ACTR3C: variants seen among roughly 807,000 people sequenced by gnomAD.
The protein encoded by ACTR3C is actin related protein 3C, also known as actin-related protein 3C.
ACTR3C carries 18 observed loss-of-function variants against 26.3 expected under a neutral mutation model. The ratio of observed to expected loss-of-function variants is 0.68; its 90% CI spans 0.47 to 1.01. The LOEUF (loss-of-function observed/expected upper bound fraction) is 1.01. Ranked by LOEUF, ACTR3C falls within the 50% of genes least tolerant of loss-of-function variation. ACTR3C has a pLI of 0.00. For synonymous variants in ACTR3C, 55 were observed against 94.5 expected, an observed-to-expected ratio of 0.58 and a Z score of 2.42; for missense variants, 184 against 250.7, an observed-to-expected ratio of 0.73 and a Z score of 1.80.
the ACTR3C span, among the ~76,000 whole-genome samples, chr7:150,131,930 C>T: frequency 2.0e-5 from 3 of 152,190 alleles, no homozygotes; most frequent in Non-Finnish European, 2.9e-5. Flanking sequence ...GAAAACATCA[C>T]GCTGTGTGAA....
intron 1 of ACTR3C, 183 bp downstream of exon 1, chr7:150,323,286 C>T: frequency 3.8e-6 from 1 of 260,576 alleles, no homozygotes; most frequent in Non-Finnish European, 7.6e-6. Context: ...CCGGAAGTAA[C>T]CCCTGGCGCA....
At chr7:150,317,196 C>T (rs1274331640) in intron 1 of ACTR3C, among the ~76,000 whole-genome samples, 4 of 152,040 alleles carry the variant, frequency 2.6e-5, no homozygotes, top group East Asian at 3.9e-4. Flanking sequence ...GGATTACAGG[C>T]GTGCAGCATG....
At chr7:150,198,088 C>T in the ACTR3C span, among the ~76,000 whole-genome samples, 2 of 151,588 alleles carry the variant, frequency 1.3e-5, no homozygotes, top group African/African-American at 4.9e-5. Context: ...GCGAGTGATC[C>T]GCCAGCCTTG....
At chr7:150,252,712 A>C (rs1206264262) in intron 6 of ACTR3C, among the ~76,000 whole-genome samples, 3 of 151,714 alleles carry the variant, frequency 2.0e-5, no homozygotes, top group Admixed American at 2.0e-4. Context: ...GTATCTTCAG[A>C]ACTAATATTT....
intron 1 of ACTR3C, among the ~76,000 whole-genome samples, chr7:150,299,832 G>C (rs1011980708): frequency 1.3e-5 from 2 of 151,962 alleles, no homozygotes; most frequent in African/African-American, 4.8e-5. Flanking sequence ...ATGGGGACTC[G>C]TTCAATGAGT....
At chr7:150,197,061 C>T in the ACTR3C span, among the ~76,000 whole-genome samples, 3 of 152,150 alleles carry the variant, frequency 2.0e-5, no homozygotes, top group South Asian at 2.1e-4. Context: ...GTCTTTCCCA[C>T]GGCAGATTAA....
chr7:150,181,069 A>T, the ACTR3C span, among the ~76,000 whole-genome samples: 1,910 of 151,086 alleles, frequency 0.013, 99 homozygotes, highest in African/African-American at 0.045. Context: ...AGAAATAAAA[A>T]TGATGTAAAT....
chr7:150,036,655 C>T, the ACTR3C span, among the ~76,000 whole-genome samples: 3 of 141,350 alleles, frequency 2.1e-5, no homozygotes, highest in African/African-American at 7.5e-5. Context: ...CTCTCACCTG[C>T]CTTCTGCCCT....
the ACTR3C span, among the ~76,000 whole-genome samples, chr7:150,208,923 A>G: frequency 1.3e-5 from 2 of 152,170 alleles, no homozygotes; most frequent in African/African-American, 4.8e-5. Context: ...AAAATGTTCA[A>G]TGAAGACATG....
the ACTR3C span, among the ~76,000 whole-genome samples, chr7:150,000,236 C>A: frequency 1.3e-5 from 2 of 151,226 alleles, no homozygotes; most frequent in African/African-American, 2.4e-5. Context: ...AGCACAAATA[C>A]CAAGATTTAA....
the ACTR3C span, among the ~76,000 whole-genome samples, chr7:150,176,960 T>C: frequency 6.6e-6 from 1 of 150,870 alleles, no homozygotes; most frequent in Non-Finnish European, 1.5e-5. Flanking sequence ...CCATCCTACT[T>C]GGATAATATC....
At chr7:149,946,572 C>T in the ACTR3C span, among the ~76,000 whole-genome samples, 10 of 152,196 alleles carry the variant, frequency 6.6e-5, no homozygotes, top group Non-Finnish European at 1.2e-4. Flanking sequence ...GTTTCCAGGG[C>T]TTCCTCTGTA....
the ACTR3C span, among the ~76,000 whole-genome samples, chr7:149,913,378 G>T: frequency 1.3e-5 from 2 of 152,174 alleles, no homozygotes; most frequent in Non-Finnish European, 2.9e-5. Flanking sequence ...TCACTGAGCC[G>T]TACTCAGACT....
At chr7:149,987,050 C>A in the ACTR3C span, among the ~76,000 whole-genome samples, 1 of 138,404 alleles carries the variant, frequency 7.2e-6, no homozygotes, top group Non-Finnish European at 1.5e-5. Flanking sequence ...GTTCTACAAT[C>A]ATAACACGCC....
chr7:149,906,412 CTTT>C, the ACTR3C span, among the ~76,000 whole-genome samples: 10 of 72,100 alleles, frequency 1.4e-4, no homozygotes, highest in African/African-American at 4.4e-4. Context: ...GGGTTTGTTT[CTTT>C]TTTTTTTTTT....
At chr7:150,226,132 G>A in the ACTR3C span, among the ~76,000 whole-genome samples, 1 of 152,254 alleles carries the variant, frequency 6.6e-6, no homozygotes, top group African/African-American at 2.4e-5. Flanking sequence ...GTTTTTAGTG[G>A]TTGTGAATCA....
the ACTR3C span, among the ~76,000 whole-genome samples, chr7:150,159,572 A>T: frequency 3.3e-5 from 5 of 152,202 alleles, no homozygotes; most frequent in African/African-American, 1.2e-4. Flanking sequence ...TTTAAGGAAT[A>T]ATTCATCACA....
the ACTR3C span, among the ~76,000 whole-genome samples, chr7:149,919,826 A>G: frequency 6.8e-6 from 1 of 146,900 alleles, no homozygotes; most frequent in African/African-American, 2.6e-5. Context: ...TGTTTTTAGC[A>G]TAATAGCCTT....
the ACTR3C span, among the ~76,000 whole-genome samples, chr7:150,031,499 C>T: frequency 5.5e-4 from 84 of 152,202 alleles, 1 homozygote; most frequent in East Asian, 0.015. Flanking sequence ...TCCTTGGCCC[C>T]CAGGAACTTG....
Sources: gnomAD v4.1 joint callset for allele counts (sites outside exome capture counted in the v4.1 genomes callset) on GRCh38, gnomAD v4.1.1 for gene constraint, MANE v1.5 for transcripts, NCBI Gene and HGNC (gene_info 2026-07-23, HGNC 2026-07-21) for gene names.